The following SLC13A1 variants were observed in gnomAD, a reference collection of about 807,000 sequenced individuals.
SLC13A1 encodes Na(+)/sulfate cotransporter.
A neutral mutation model predicts 70.0 loss-of-function variants in SLC13A1; 65 were observed. The observed-to-expected ratio is 0.93, with a 90% CI of 0.76 to 1.14. SLC13A1 has a LOEUF of 1.14. Among genes scored for constraint, SLC13A1 ranks in the 50% most tolerant of loss-of-function variants. SLC13A1 has a pLI of 0.00. For synonymous variants in SLC13A1, 275 were observed against 250.5 expected (o/e 1.10, Z -0.92); for missense variants, 726 against 717.8 (o/e 1.01, Z -0.13).
intron 7 of SLC13A1, among the ~76,000 whole-genome samples, chr7:123,136,327 A>G (rs1262011951): frequency 6.6e-6 from 1 of 152,208 alleles, no homozygotes; most frequent in Non-Finnish European, 1.5e-5. Flanking sequence ...TTAGTTTAAT[A>G]GTATGGAAGT....
intron 1 of SLC13A1, among the ~76,000 whole-genome samples, chr7:123,195,646 T>A (rs1029783659): frequency 6.6e-6 from 1 of 152,116 alleles, no homozygotes; most frequent in South Asian, 2.1e-4. Context: ...TTATTTATTA[T>A]TATTTCTATT....
intron 3 of SLC13A1, 43 bp downstream of exon 3, chr7:123,171,725 T>C (rs770708781): frequency 1.9e-6 from 3 of 1,599,770 alleles, no homozygotes; most frequent in Non-Finnish European, 2.6e-6. Flanking sequence ...ACAAAAATGG[T>C]CTGTTCAGCA....
chr7:123,171,846 G>A lies in SLC13A1; in HGVS notation c.287C>T (p.Ala96Val), dbSNP rs1795285199. 1 of 1,613,226 alleles carries A rather than the reference G, an allele frequency of 6.2e-7. No individual in the cohort carries two copies. The highest frequency in any genetic ancestry group is 1.7e-5 in the Admixed American group (1 of 59,984). The change falls in exon 3 of 15, where the codon GCA becomes GTA. Residue 96 changes from alanine to valine, a missense_variant. Physicochemically the swap from Ala to Val is moderately conservative, Grantham distance 64. Coordinates refer to ENST00000194130, the MANE Select transcript of SLC13A1 (RefSeq NM_022444.4). ...CAAATTCCATTTTTCTATGGATGTT[G>A]CTAAACAGATAACTCCAATTAGCAG... ...HLLLIGVICLATSIEKWNLHK... is the reference protein window; with the variant it reads ...HLLLIGVICLVTSIEKWNLHK...
In SLC13A1 at chr7:123,161,832, A is replaced by T. The variant is rs148517643; in HGVS notation, c.660+6542T>A. Among the ~76,000 whole-genome samples, 4 of 152,284 alleles carry T rather than the reference A, an allele frequency of 2.6e-5. No homozygotes were observed. The East Asian group carries it at 7.7e-4, about 29-fold the overall frequency. Reference sequence around the variant, plus strand: ...CTAACTTGGCAAGGGGTTGGGGGTGATTCTGTAAGGAAAAGAGATAGGCTC... The same window carrying T: ...CTAACTTGGCAAGGGGTTGGGGGTGTTTCTGTAAGGAAAAGAGATAGGCTC... On this transcript the variant is annotated intron_variant, in intron 6 of 14. Coordinates refer to ENST00000194130, the MANE Select transcript of SLC13A1 (RefSeq NM_022444.4).
intron 1 of SLC13A1, among the ~76,000 whole-genome samples, chr7:123,196,568 C>T (rs1563361214): frequency 6.6e-6 from 1 of 151,976 alleles, no homozygotes; most frequent in Non-Finnish European, 1.5e-5. Flanking sequence ...GGCACCATAT[C>T]CTGACAAGCT....
At chr7:123,119,632 G>A (rs1449501654) in intron 12 of SLC13A1, among the ~76,000 whole-genome samples, 3 of 151,706 alleles carry the variant, frequency 2.0e-5, no homozygotes, top group African/African-American at 7.3e-5. Context: ...ACCCTTATTA[G>A]CCACTTATAG....
intron 7 of SLC13A1, among the ~76,000 whole-genome samples, chr7:123,140,258 C>G (rs1466912688): frequency 6.6e-6 from 1 of 152,034 alleles, no homozygotes; most frequent in East Asian, 1.9e-4. Context: ...TATGTTGACA[C>G]ATCTTTGCAA....
At chr7:123,188,912 G>A (rs537628280) in intron 1 of SLC13A1, among the ~76,000 whole-genome samples, 3 of 151,398 alleles carry the variant, frequency 2.0e-5, no homozygotes, top group Non-Finnish European at 2.9e-5. Flanking sequence ...TCAGGAGATC[G>A]AGACCATCCC....
chr7:123,141,796 T>A (rs1794159713), intron 7 of SLC13A1, among the ~76,000 whole-genome samples: 1 of 152,152 alleles, frequency 6.6e-6, no homozygotes, highest in South Asian at 2.1e-4. Context: ...TTCTATCTCT[T>A]TATTTTCAGT....
At position 123,165,704 on chromosome 7, in the gene SLC13A1, A is replaced by G. The variant is rs558803177; in HGVS notation, c.660+2670T>C. On this transcript the variant is annotated intron_variant, in intron 6 of 14. Transcript: ENST00000194130. ...TGAAGAGATATTTATAACCTGGACA[A>G]ACCCATACAATAATTTTATTCCCCA... 5.9e-5 allele frequency among the ~76,000 whole-genome samples: 9 copies of G among 152,296 alleles called. No individual in the cohort carries two copies. In the South Asian group the frequency reaches 8.3e-4, roughly 14 times the overall value.
chr7:123,119,114 G>A lies in SLC13A1; in HGVS notation c.1479C>T (p.Thr493=). ...SLTEVASNPA[T]ITLFLPILSP... Reference sequence around the variant, plus strand: ...ATAATATTGGGAGAAAGAGTGTAATGGTAGCTGGATTGCTGGCTACCTCAG... The same window carrying A: ...ATAATATTGGGAGAAAGAGTGTAATAGTAGCTGGATTGCTGGCTACCTCAG... Residue 493 remains threonine (T), a synonymous_variant, in exon 13 of 15, where the codon ACC becomes ACT. Transcript: ENST00000194130. 6.2e-7 allele frequency: 1 copy of A among 1,612,530 alleles called. No homozygotes were observed. The highest frequency in any genetic ancestry group is 1.1e-5 in the South Asian group (1 of 91,020).
In SLC13A1 at chr7:123,199,928, T is replaced by A; in HGVS notation, c.19A>T (p.Ile7Phe). 2 of 1,612,852 alleles carry A rather than the reference T, an allele frequency of 1.2e-6. No individual in the cohort carries two copies. The highest frequency in any genetic ancestry group is 8.5e-7 in the Non-Finnish European group (1 of 1,179,232). ...AAGAGAAATCGGCGATAAACCAGAA[T>A]GTAACTGAAGAATTTCATTGTCCTG... is the stretch of plus-strand genomic sequence containing the variant. MKFFSYILVYRRFLFVV... is the reference protein window; with the variant it reads MKFFSYFLVYRRFLFVV... Residue 7 changes from isoleucine (I) to phenylalanine (F), a missense_variant, in exon 1 of 15, where the codon ATT (isoleucine) becomes TTT (phenylalanine). By Grantham distance (21) the Ile-to-Phe change is conservative (BLOSUM62 0). Coordinates refer to ENST00000194130, the MANE Select transcript of SLC13A1 (RefSeq NM_022444.4).
intron 8 of SLC13A1, among the ~76,000 whole-genome samples, chr7:123,130,605 G>T (rs898979445): frequency 6.6e-6 from 1 of 152,114 alleles, no homozygotes; most frequent in African/African-American, 2.4e-5. Flanking sequence ...AACAGGTAAT[G>T]CATGTGGGGC....
At chr7:123,158,545 T>G (rs973648441) in intron 6 of SLC13A1, among the ~76,000 whole-genome samples, 5 of 151,888 alleles carry the variant, frequency 3.3e-5, no homozygotes, top group African/African-American at 1.2e-4. Flanking sequence ...AATTGAATAT[T>G]GAGAAATAAC....
intron 6 of SLC13A1, among the ~76,000 whole-genome samples, chr7:123,151,692 G>T (rs930574620): frequency 6.6e-5 from 10 of 152,042 alleles, no homozygotes; most frequent in Admixed American, 2.0e-4. Context: ...AATTGTTCGA[G>T]GTCCCAGAGC....
intron 6 of SLC13A1, among the ~76,000 whole-genome samples, chr7:123,153,196 GC>G (rs1392396671): frequency 6.6e-6 from 1 of 152,008 alleles, no homozygotes; most frequent in African/African-American, 2.4e-5. Context: ...TAATATGTTT[GC>G]CATGCTTTAT....
intron 6 of SLC13A1, chr7:123,148,562 T>C (rs1247740309): frequency 2.5e-6 from 1 of 399,540 alleles, no homozygotes; most frequent in African/African-American, 2.1e-5. Flanking sequence ...GTTGGTTTGA[T>C]TCTTCCTCTT....
At chr7:123,169,546 A>T (rs757632380) in intron 3 of SLC13A1, among the ~76,000 whole-genome samples, 4 of 152,218 alleles carry the variant, frequency 2.6e-5, no homozygotes, top group Non-Finnish European at 4.4e-5. Context: ...TGGAGTTCTT[A>T]AGAGATTTGT....
intron 1 of SLC13A1, among the ~76,000 whole-genome samples, chr7:123,183,003 C>G (rs1309406030): frequency 1.3e-5 from 2 of 152,120 alleles, no homozygotes; most frequent in African/African-American, 4.8e-5. Context: ...TCTTTACACA[C>G]TTCCTTGATA....
Sources: gnomAD v4.1 joint callset for allele counts (sites outside exome capture counted in the v4.1 genomes callset) on GRCh38, gnomAD v4.1.1 for gene constraint, MANE v1.5 for transcripts, NCBI Gene and HGNC (gene_info 2026-07-23, HGNC 2026-07-21) for gene names.